The following WDR62 variants were observed in gnomAD, a reference collection of about 807,000 sequenced individuals.
WDR62 encodes WD repeat-containing protein 62.
WDR62 carries 112 observed loss-of-function variants against 160.6 expected under a neutral mutation model. The ratio of observed to expected loss-of-function variants is 0.70; its 90% CI spans 0.60 to 0.82. The LOEUF is 0.82. WDR62 is among the 40% of genes least tolerant of loss of function. The pLI, the probability that WDR62 is intolerant of heterozygous loss-of-function variation, is 0.00. For missense variants in WDR62, 1,819 were observed against 1,983.8 expected (o/e 0.92, Z 1.58); for synonymous variants, 792 against 815.1 (o/e 0.97, Z 0.48).
intron 10 of WDR62, among the ~76,000 whole-genome samples, chr19:36,082,667 G>A (rs528944009): frequency 6.6e-6 from 1 of 152,184 alleles, no homozygotes; most frequent in South Asian, 2.1e-4. Context: ...CATGAAAGTA[G>A]TCTGAAGGTA....
At chr19:36,110,069 A>T (rs543235872), downstream of WDR62, among the ~76,000 whole-genome samples, 4 of 152,152 alleles carry the variant, frequency 2.6e-5, no homozygotes, top group Non-Finnish European at 5.9e-5. Context: ...AAAAAAAATT[A>T]AAAAACAGAG....
intron 3 of WDR62, 153 bp downstream of exon 3, chr19:36,060,183 G>A (rs1403343289): frequency 1.3e-5 from 10 of 773,402 alleles, no homozygotes; most frequent in Non-Finnish European, 2.0e-5. Context: ...GTGCTGTTCC[G>A]TGTGCTGGGG....
chr19:36,080,797 G>C (rs934823797), intron 9 of WDR62, among the ~76,000 whole-genome samples: 2 of 152,102 alleles, frequency 1.3e-5, no homozygotes, highest in Non-Finnish European at 2.9e-5. Context: ...TTCTGTTTTG[G>C]TCTTTTTCAG....
chr19:36,062,156 A>T (rs1196364431), intron 3 of WDR62: 2 of 152,118 alleles, frequency 1.3e-5, no homozygotes, highest in Non-Finnish European at 2.9e-5. Context: ...ATGTTGCCCA[A>T]GGTGGTCTTG....
At chr19:36,085,689 C>G (rs1446829198) in intron 12 of WDR62, among the ~76,000 whole-genome samples, 1 of 151,954 alleles carries the variant, frequency 6.6e-6, no homozygotes, top group African/African-American at 2.4e-5. Context: ...GTCTCCAGAC[C>G]TCATGGTCCT....
chr19:36,066,822 A>C lies in WDR62; in HGVS notation c.561+395A>C, dbSNP rs534509777. Among the ~76,000 whole-genome samples the C allele has an allele frequency of 5.3e-5, 8 of 152,306 alleles. No individual in the cohort carries two copies. In the East Asian group the frequency reaches 1.5e-3, roughly 29 times the overall value. ...TGGGTACCAAGTCCTGGCTCTGCCC[A>C]TAACCCACTATGTGACCTTGAGCAC... On this transcript the variant is annotated intron_variant, in intron 5 of 31. Coordinates refer to ENST00000401500, the MANE Select transcript of WDR62 (RefSeq NM_001083961.2).
rs559889876 is a variant in WDR62, at chr19:36,094,103, G to T, written c.2406G>T (p.Leu802=). 1 of 1,614,154 alleles carries T rather than the reference G, an allele frequency of 6.2e-7. No individual in the cohort carries two copies. The highest frequency in any genetic ancestry group is 1.1e-5 in the South Asian group (1 of 91,088). Residue 802 remains leucine (L), a synonymous_variant, in exon 20 of 32, where the codon CTG becomes CTT. Coordinates refer to ENST00000401500, the MANE Select transcript of WDR62 (RefSeq NM_001083961.2). ...LSPGEQTEDD[L]EEECEPEEML... is the part of the protein sequence containing the mutation. The stretch of plus-strand genomic sequence containing the variant: ...CTGGAGAGCAAACAGAGGATGATCT[G>T]GAGGAAGAGTGTGAGCCAGAAGAGA...
intron 1 of WDR62, among the ~76,000 whole-genome samples, chr19:36,057,083 AGGATTACAGGCGTGAGCT>A (rs1294621967): frequency 1.3e-5 from 2 of 152,106 alleles, no homozygotes; most frequent in African/African-American, 2.4e-5. Flanking sequence ...CCAAAGTGCT[AGGATTACAGGCGTGAGCT>A]ACTGTGCCCC....
Position 36,065,985 on chromosome 19 carries a change from C to T in WDR62, c.360C>T (p.Ser120=), listed in dbSNP as rs913019034. ...AGTCTCTCAGTGCTCTGGCCTTCTC[C>T]CCTGATGGGAAGTACATAGTGACAG... ...ARKSLSALAF[S]PDGKYIVTGE... Residue 120 remains serine, a synonymous_variant, in exon 4 of 32, where the codon TCC becomes TCT. Coordinates refer to ENST00000401500, the MANE Select transcript of WDR62 (RefSeq NM_001083961.2). 2.5e-6 allele frequency: 4 copies of T among 1,614,034 alleles called. No homozygotes were observed. The highest frequency in any genetic ancestry group is 2.7e-5 in the African/African-American group (2 of 74,906).
intron 1 of WDR62, among the ~76,000 whole-genome samples, chr19:36,057,560 G>C (rs1970432926): frequency 6.6e-6 from 1 of 151,814 alleles, no homozygotes; most frequent in Admixed American, 6.6e-5. Context: ...TGTCGCCCAG[G>C]ATGGAGTGCA....
At chr19:36,093,906 C>T (rs1184227857) in intron 19 of WDR62, 125 bp from the exon 20 acceptor site, 4 of 1,180,668 alleles carry the variant, frequency 3.4e-6, no homozygotes, top group African/African-American at 3.0e-5. Context: ...TTGCCAGCAC[C>T]ATCTTGACCA....
chr19:36,070,702 G>A (rs1188189901), intron 7 of WDR62: 1 of 152,164 alleles, frequency 6.6e-6, no homozygotes, highest in African/African-American at 2.4e-5. Context: ...TCAAGCAAGT[G>A]AAAAGCTTTC....
chr19:36,101,308 C>G lies in WDR62; in HGVS notation c.2962C>G (p.Pro988Ala), dbSNP rs766001616. ...CTCCGACAGCCCAAAGGACCAGAGC[C>G]CGCCTGAGGGTGAGTGCAGGGCAGG... is the stretch of plus-strand genomic sequence containing the variant. ...VSSDSPKDQS[P>A]PEDSGESEAD... The change falls in exon 24 of 32, where the codon CCG (proline) becomes GCG (alanine). Residue 988 changes from proline to alanine, a missense_variant. Physicochemically the swap from Pro to Ala is conservative, Grantham distance 27. Coordinates refer to ENST00000401500, the MANE Select transcript of WDR62 (RefSeq NM_001083961.2). 3 of 1,610,502 alleles carry G rather than the reference C, an allele frequency of 1.9e-6. No individual in the cohort carries two copies. In the South Asian group the frequency reaches 3.3e-5, roughly 18 times the overall value.
chr19:36,074,122 C>T (rs1479732782), intron 9 of WDR62: 1 of 220,590 alleles, frequency 4.5e-6, no homozygotes, highest in Non-Finnish European at 9.1e-6. Context: ...AACACAAGAC[C>T]CTGTCTCTAC....
At chr19:36,086,009 C>T (rs1340952017) in intron 12 of WDR62, among the ~76,000 whole-genome samples, 3 of 152,018 alleles carry the variant, frequency 2.0e-5, no homozygotes, top group Non-Finnish European at 4.4e-5. Context: ...AGGCTGGGCA[C>T]GGTGGCTCAT....
At chr19:36,073,038 T>C (rs903193025) in intron 8 of WDR62, among the ~76,000 whole-genome samples, 3 of 152,160 alleles carry the variant, frequency 2.0e-5, no homozygotes, top group African/African-American at 7.2e-5. Context: ...GCCTATTATC[T>C]TTCTATGCTC....
rs534034151 is a variant in WDR62 at position 36,091,677 on chromosome 19, A to G, written c.2210+212A>G. On this transcript the variant is annotated intron_variant, in intron 18 of 31. Transcript: ENST00000401500. ...TTTGGGACGCTGAGGCGGGTGGATCACTTGAGCTCAGGAGTTCGAGACCAG... is the reference window on the plus strand; with the variant it reads ...TTTGGGACGCTGAGGCGGGTGGATCGCTTGAGCTCAGGAGTTCGAGACCAG... 9.9e-5 allele frequency among the ~76,000 whole-genome samples: 15 copies of G among 152,190 alleles called. No homozygotes were observed. In the South Asian group the frequency reaches 2.5e-3, roughly 25 times the overall value.
intron 20 of WDR62, among the ~76,000 whole-genome samples, 183 bp from the exon 21 acceptor site, chr19:36,096,844 G>A (rs1313596635): frequency 6.6e-6 from 1 of 152,094 alleles, no homozygotes; most frequent in Admixed American, 6.6e-5. Context: ...TTTTCACCTC[G>A]GTCAGTCTCG....
At chr19:36,099,816 G>A (rs1973218461) in intron 22 of WDR62, among the ~76,000 whole-genome samples, 199 bp downstream of exon 22, 1 of 152,222 alleles carries the variant, frequency 6.6e-6, no homozygotes, top group South Asian at 2.1e-4. Context: ...TGGGTCACTT[G>A]GGGGTTAAGA....
Sources: gnomAD v4.1 joint callset for allele counts (sites outside exome capture counted in the v4.1 genomes callset) on GRCh38, gnomAD v4.1.1 for gene constraint, MANE v1.5 for transcripts, NCBI Gene and HGNC (gene_info 2026-07-23, HGNC 2026-07-21) for gene names.